The following HYDIN variants were observed in gnomAD, a reference collection of about 807,000 sequenced individuals.
HYDIN encodes axonemal central pair apparatus protein HYDIN.
A neutral mutation model predicts 403.9 loss-of-function variants in HYDIN; 132 were observed. That is an observed-to-expected ratio of 0.33 (90% confidence interval 0.28 to 0.38). The LOEUF (loss-of-function observed/expected upper bound fraction) is 0.38. Ranked by LOEUF, HYDIN falls within the 10% of genes least tolerant of loss-of-function variation. HYDIN has a pLI of 1.00. For synonymous variants in HYDIN, 1,202 were observed against 1,891.7 expected (o/e 0.64, Z 9.46); for missense variants, 2,827 against 5,009.5 (o/e 0.56, Z 13.15).
At chr16:71,048,829 C>G (rs2081537284) in intron 18 of HYDIN, among the ~76,000 whole-genome samples, 1 of 152,122 alleles carries the variant, frequency 6.6e-6, no homozygotes, top group Non-Finnish European at 1.5e-5. Context: ...ACATAATTTT[C>G]CTATATAACA....
At chr16:71,096,706 A>T (rs1379217375) in intron 10 of HYDIN, among the ~76,000 whole-genome samples, 2 of 132,884 alleles carry the variant, frequency 1.5e-5, no homozygotes, top group Admixed American at 1.5e-4. Flanking sequence ...TTTGATAAAA[A>T]CATTTTTAAA....
At chr16:71,118,034 C>T (rs150553806) in intron 9 of HYDIN, among the ~76,000 whole-genome samples, 3 of 152,176 alleles carry the variant, frequency 2.0e-5, no homozygotes, top group East Asian at 1.9e-4. Context: ...AAGTTAGAAA[C>T]GTGGTGCCTC....
At chr16:70,945,598 T>C (rs2077830361) in intron 41 of HYDIN, among the ~76,000 whole-genome samples, 2 of 152,210 alleles carry the variant, frequency 1.3e-5, no homozygotes, top group Middle Eastern at 3.4e-3. Flanking sequence ...GTAGAAGACT[T>C]TGTCCCAGGC....
At chr16:70,810,142 G>T in intron 84 of HYDIN, 135 bp from the exon 85 acceptor site, 1 of 801,212 alleles carries the variant, frequency 1.2e-6, no homozygotes, top group Non-Finnish European at 2.1e-6. Context: ...TGCTCCTGGG[G>T]AACCTGTCCA....
In HYDIN at chr16:70,807,664, G is replaced by T. The variant is rs750895300; in HGVS notation, c.15282C>A (p.Thr5094=). The T allele has an allele frequency of 5.6e-6, 9 of 1,614,168 alleles. 1 individual carries two copies. The South Asian group carries it at 9.9e-5, about 18-fold the overall frequency. ...NPSGSKTPIT[T]KLTVSCPPGE... is the part of the protein sequence containing the mutation. ...CAGGAGGGCAGCTCACAGTCAGCTT[G>T]GTGGTGATGGGGGTTTTGCTGCCAG... is the stretch of plus-strand genomic sequence containing the variant. Residue 5094 remains threonine, a synonymous_variant, in exon 86 of 86, where the codon ACC becomes ACA. Coordinates refer to ENST00000393567, the MANE Select transcript of HYDIN (RefSeq NM_001270974.2).
intron 29 of HYDIN, among the ~76,000 whole-genome samples, chr16:70,979,403 A>C (rs956129320): frequency 7.9e-5 from 12 of 152,042 alleles, no homozygotes; most frequent in Non-Finnish European, 1.5e-4. Flanking sequence ...GAGCTCTCCC[A>C]GTGCTGGACA....
At chr16:71,043,348 T>C (rs1202146283) in intron 18 of HYDIN, among the ~76,000 whole-genome samples, 1 of 150,872 alleles carries the variant, frequency 6.6e-6, no homozygotes, top group Admixed American at 6.6e-5. Flanking sequence ...TCTGAAAACA[T>C]TCCTTCAATT....
At chr16:71,030,970 G>A (rs570279126) in intron 19 of HYDIN, among the ~76,000 whole-genome samples, 2 of 151,938 alleles carry the variant, frequency 1.3e-5, no homozygotes, top group African/African-American at 4.8e-5. Context: ...GGAGGCCGAG[G>A]CAGGTGGATC....
At position 70,862,125 on chromosome 16, in the gene HYDIN, C is replaced by T. The variant is rs529367774; in HGVS notation, c.11700G>A (p.Pro3900=). The T allele has an allele frequency of 3.0e-5, 48 of 1,611,910 alleles. No homozygotes were observed. The highest frequency in any genetic ancestry group is 1.2e-4 in the Admixed American group (7 of 59,694). Residue 3900 remains proline (P), a synonymous_variant, in exon 69 of 86, where the codon CCG becomes CCA. Transcript: ENST00000393567. The part of the protein sequence containing the change: ...FSVEPSSGIV[P]VGKIQKFKVK... ...CTTTGAACTTCTGAATCTTCCCCAC[C>T]GGCACGATTCCCGAAGAGGGCTCCA...
At chr16:71,098,049 G>A (rs920303327) in intron 10 of HYDIN, among the ~76,000 whole-genome samples, 4 of 152,032 alleles carry the variant, frequency 2.6e-5, no homozygotes, top group African/African-American at 9.7e-5. Context: ...CATTAGACAA[G>A]CATTACTTTG....
chr16:71,010,775 GA>G (rs796287336), intron 23 of HYDIN, among the ~76,000 whole-genome samples: 1 of 152,014 alleles, frequency 6.6e-6, no homozygotes, highest in African/African-American at 2.4e-5. Context: ...TATTCTGAAA[GA>G]AAAAATAATC....
intron 78 of HYDIN, among the ~76,000 whole-genome samples, chr16:70,835,106 T>G (rs2037331494): frequency 6.6e-6 from 1 of 150,918 alleles, no homozygotes; most frequent in African/African-American, 2.4e-5. Context: ...CAAACAATTC[T>G]CTGCCTCAGC....
chr16:70,837,677 G>T lies in HYDIN; in HGVS notation c.13242+13C>A. 2 of 1,613,674 alleles carry T rather than the reference G, an allele frequency of 1.2e-6. No individual in the cohort carries two copies. The highest frequency in any genetic ancestry group is 2.2e-5 in the East Asian group (1 of 44,872). On this transcript the variant is annotated intron_variant, in intron 77 of 85. Coordinates refer to ENST00000393567, the MANE Select transcript of HYDIN (RefSeq NM_001270974.2). The stretch of plus-strand genomic sequence containing the variant: ...AGGGTGCCACGCCTGAAGGCCTCCC[G>T]ACTGTCTGTTACCTTCATTTTGGTA...
rs1415462385 is a variant in HYDIN at position 71,090,164 on chromosome 16, G to C, written c.1447-1640C>G. On this transcript the variant is annotated intron_variant, in intron 11 of 85. Transcript: ENST00000393567. ...TTATTCATCTTTTTATGTTTCTTTCGCATCTCCCTCATTCTAAGGTCCCTG... is the reference window on the plus strand; with the variant it reads ...TTATTCATCTTTTTATGTTTCTTTCCCATCTCCCTCATTCTAAGGTCCCTG... 3.4e-5 allele frequency: 4 copies of C among 119,072 alleles called. No homozygotes were observed. The East Asian group carries it at 1.1e-3, about 32-fold the overall frequency. The allele number at this position is 119,072 out of a possible 1,614,324, so 7.4% of individuals were successfully genotyped here. A position where few individuals can be genotyped will look rare whatever the true frequency, so the allele number is the denominator to read the frequency against.
At position 70,818,911 on chromosome 16, in the gene HYDIN, GCTTTCTTT is replaced by G. The variant is rs766444886; in HGVS notation, c.14428-347_14428-340del. ...AGACCTTTGAGGTAACTTTCAATGG[GCTTTCTTT>G]CTTTCTTTCTTTCGAGAAGGAGTCT... is the stretch of plus-strand genomic sequence containing the variant. On this transcript the variant is annotated intron_variant, in intron 83 of 85. Transcript: ENST00000393567. Among the ~76,000 whole-genome samples the G allele has an allele frequency of 3.9e-5, 6 of 152,170 alleles. No homozygotes were observed. The East Asian group carries it at 7.7e-4, about 20-fold the overall frequency.
chr16:71,017,477 C>T (rs2080302325), intron 23 of HYDIN, among the ~76,000 whole-genome samples: 1 of 152,102 alleles, frequency 6.6e-6, no homozygotes, highest in Non-Finnish European at 1.5e-5. Flanking sequence ...GAGGCCTCCC[C>T]AGCTATGTAG....
intron 23 of HYDIN, among the ~76,000 whole-genome samples, chr16:71,004,165 T>C (rs990845804): frequency 6.6e-6 from 1 of 151,854 alleles, no homozygotes; most frequent in Non-Finnish European, 1.5e-5. Flanking sequence ...ACATACAAAA[T>C]TAGCCAGGTA....
chr16:70,932,390 C>G (rs1279656998), intron 45 of HYDIN, among the ~76,000 whole-genome samples: 1 of 151,942 alleles, frequency 6.6e-6, no homozygotes, highest in South Asian at 2.1e-4. Flanking sequence ...CAAAAACATA[C>G]CCACACATAA....
At chr16:71,141,237 C>A in intron 7 of HYDIN, among the ~76,000 whole-genome samples, 2 of 145,200 alleles carry the variant, frequency 1.4e-5, no homozygotes, top group African/African-American at 5.1e-5. Context: ...GGTATAAAGA[C>A]ATATTTGTAA....
Sources: allele counts gnomAD v4.1 joint callset (sites outside exome capture counted in the v4.1 genomes callset), GRCh38; gene constraint gnomAD v4.1.1; transcripts MANE v1.5; gene names NCBI Gene and HGNC (gene_info 2026-07-23, HGNC 2026-07-21).